Variants in DCC observed in about 807,000 individuals in gnomAD.
The protein encoded by DCC is DCC netrin 1 receptor.
In DCC, 58 loss-of-function variants were observed where a neutral mutation model predicts 172.5. That is an observed-to-expected ratio of 0.34 (90% CI 0.27 to 0.42). The LOEUF is 0.42. Ranked by LOEUF, DCC falls within the 10% of genes least tolerant of loss-of-function variation. The pLI is 1.00. For synonymous variants in DCC, 709 were observed against 644.5 expected (o/e 1.10, Z -1.52); for missense variants, 1,740 against 1,791.0 (o/e 0.97, Z 0.51).
intron 1 of DCC, among the ~76,000 whole-genome samples, chr18:52,479,288 AC>A (rs1265230499): frequency 9.2e-5 from 14 of 152,156 alleles, no homozygotes; most frequent in Non-Finnish European, 4.4e-5. Context: ...TTCTAAAGTG[AC>A]CTTTTGTGTT....
chr18:53,511,129 T>C (rs1266402101), intron 27 of DCC, among the ~76,000 whole-genome samples: 1 of 152,198 alleles, frequency 6.6e-6, no homozygotes, highest in Admixed American at 6.5e-5. Context: ...GGAAAAGGTG[T>C]TTTACTGCAG....
chr18:52,448,489 T>G (rs1209625782), intron 1 of DCC, among the ~76,000 whole-genome samples: 3 of 152,144 alleles, frequency 2.0e-5, no homozygotes, highest in African/African-American at 7.2e-5. Flanking sequence ...TGGCTAAGCA[T>G]TTTGAATTTT....
At chr18:52,356,595 T>C (rs1176166313) in intron 1 of DCC, among the ~76,000 whole-genome samples, 1 of 152,176 alleles carries the variant, frequency 6.6e-6, no homozygotes, top group Non-Finnish European at 1.5e-5. Flanking sequence ...TATTGTTCCA[T>C]GCTTATCTGA....
chr18:52,459,908 T>C (rs1988579175), intron 1 of DCC, among the ~76,000 whole-genome samples: 1 of 150,916 alleles, frequency 6.6e-6, no homozygotes, highest in African/African-American at 2.4e-5. Flanking sequence ...TACACACATA[T>C]ATATACACAC....
At chr18:52,501,980 G>T (rs2031040646) in intron 1 of DCC, among the ~76,000 whole-genome samples, 1 of 152,096 alleles carries the variant, frequency 6.6e-6, no homozygotes, top group African/African-American at 2.4e-5. Context: ...ATGAGAAGGG[G>T]GCTTAAAACT....
In DCC at chr18:52,369,834, G is replaced by A. The variant is rs192290612; in HGVS notation, c.91+28956G>A. ...CAGAGTGAATGTAAAAAGTTTCTGTGATATATACATGGGCAGGATTACTAC... is the reference window on the plus strand; with the variant it reads ...CAGAGTGAATGTAAAAAGTTTCTGTAATATATACATGGGCAGGATTACTAC... On this transcript the variant is annotated intron_variant, in intron 1 of 28. Transcript: ENST00000442544. 7.9e-5 allele frequency among the ~76,000 whole-genome samples: 12 copies of A among 152,174 alleles called. No homozygotes were observed. The East Asian group carries it at 1.9e-3, about 25-fold the overall frequency.
chr18:53,241,015 G>A (rs978679861), intron 12 of DCC, among the ~76,000 whole-genome samples: 1 of 152,160 alleles, frequency 6.6e-6, no homozygotes, highest in African/African-American at 2.4e-5. Flanking sequence ...AAAGTCCTCA[G>A]CAATATTACT....
intron 1 of DCC, among the ~76,000 whole-genome samples, chr18:52,666,553 T>C (rs1313628140): frequency 6.6e-6 from 1 of 152,142 alleles, no homozygotes; most frequent in Non-Finnish European, 1.5e-5. Flanking sequence ...GAGAGAAAAA[T>C]ATTTATGATT....
chr18:53,277,837 A>G (rs1309212916), intron 12 of DCC, among the ~76,000 whole-genome samples: 4 of 152,140 alleles, frequency 2.6e-5, no homozygotes, highest in Non-Finnish European at 4.4e-5. Context: ...ATCACCAACT[A>G]TGATGAGAGT....
chr18:53,419,064 G>A (rs11875957), intron 21 of DCC, among the ~76,000 whole-genome samples: 65,672 of 151,986 alleles, frequency 0.43, 16,006 homozygotes, highest in Non-Finnish European at 0.56. Flanking sequence ...CCAGAGTTTC[G>A]TTTTTTGTAG....
At chr18:53,066,819 A>C (rs1234617722) in intron 7 of DCC, among the ~76,000 whole-genome samples, 1 of 152,154 alleles carries the variant, frequency 6.6e-6, no homozygotes, top group Non-Finnish European at 1.5e-5. Flanking sequence ...CAGGCTGTAT[A>C]GGAAGCATGA....
At chr18:53,042,301 T>A (rs1321678154) in intron 5 of DCC, among the ~76,000 whole-genome samples, 1 of 152,098 alleles carries the variant, frequency 6.6e-6, no homozygotes, top group East Asian at 1.9e-4. Flanking sequence ...ATGTGATGGA[T>A]TATGCTTATT....
At chr18:53,401,314 C>G (rs1408475834) in intron 18 of DCC, among the ~76,000 whole-genome samples, 3 of 152,176 alleles carry the variant, frequency 2.0e-5, no homozygotes, top group Non-Finnish European at 4.4e-5. Context: ...TTCTAATTCT[C>G]TTTCTCCATC....
At chr18:53,499,831 T>A (rs974711281) in intron 27 of DCC, among the ~76,000 whole-genome samples, 1 of 152,204 alleles carries the variant, frequency 6.6e-6, no homozygotes, top group African/African-American at 2.4e-5. Flanking sequence ...CTAACTTCAT[T>A]CTGCCACATG....
At chr18:52,514,539 T>C (rs2031558977) in intron 1 of DCC, among the ~76,000 whole-genome samples, 2 of 152,376 alleles carry the variant, frequency 1.3e-5, no homozygotes, top group South Asian at 4.1e-4. Context: ...ACCAGTGGGT[T>C]AGAGACTTGG....
chr18:53,327,321 A>G (rs2057477965), intron 14 of DCC, among the ~76,000 whole-genome samples: 1 of 152,152 alleles, frequency 6.6e-6, no homozygotes, highest in Admixed American at 6.5e-5. Flanking sequence ...AAAAAAAGCA[A>G]ACCAAGATCA....
At chr18:52,454,646 G>C (rs1988405877) in intron 1 of DCC, among the ~76,000 whole-genome samples, 1 of 152,088 alleles carries the variant, frequency 6.6e-6, no homozygotes, top group African/African-American at 2.4e-5. Context: ...TATTTGTAGT[G>C]TTTTTACTTG....
At chr18:52,915,415 G>C (rs1172799856) in intron 3 of DCC, among the ~76,000 whole-genome samples, 1 of 152,094 alleles carries the variant, frequency 6.6e-6, no homozygotes, top group Non-Finnish European at 1.5e-5. Flanking sequence ...GGGAAAATCT[G>C]TGAATATGGA....
At chr18:53,004,711 T>A (rs1297314973) in intron 5 of DCC, among the ~76,000 whole-genome samples, 1 of 151,700 alleles carries the variant, frequency 6.6e-6, no homozygotes. Flanking sequence ...TTTGTTTGTT[T>A]GTTTTTTCTT....
Sources: gnomAD v4.1 joint callset for allele counts (sites outside exome capture counted in the v4.1 genomes callset) on GRCh38, gnomAD v4.1.1 for gene constraint, MANE v1.5 for transcripts, NCBI Gene and HGNC (gene_info 2026-07-23, HGNC 2026-07-21) for gene names.